Variants in DPP10 observed in about 807,000 individuals in gnomAD.
The protein encoded by DPP10 is inactive dipeptidyl peptidase 10.
A neutral mutation model predicts 120.9 loss-of-function variants in DPP10; 33 were observed. The observed-to-expected ratio is 0.27, with a 90% CI of 0.21 to 0.37. The LOEUF (loss-of-function observed/expected upper bound fraction) is 0.37. Ranked by LOEUF, DPP10 falls within the 10% of genes least tolerant of loss-of-function variation. The probability of loss-of-function intolerance (pLI) is 1.00; values close to 1 mark genes in which losing one functional copy is unlikely to be tolerated. For synonymous variants in DPP10, 337 were observed against 326.1 expected, an observed-to-expected ratio of 1.03 and a Z score of -0.36; for missense variants, 816 against 942.8, an observed-to-expected ratio of 0.87 and a Z score of 1.76.
chr2:114,690,237 T>A (rs1699645992), intron 1 of DPP10, among the ~76,000 whole-genome samples: 1 of 152,128 alleles, frequency 6.6e-6, no homozygotes. Flanking sequence ...AAGTCTTTTG[T>A]ATGTCTTGAG....
chr2:115,384,625 AGAG>A (rs1559522094), intron 3 of DPP10, among the ~76,000 whole-genome samples: 2 of 149,366 alleles, frequency 1.3e-5, no homozygotes, highest in African/African-American at 2.5e-5. Context: ...AGGAAGAAGA[AGAG>A]GAAGAAGAAA....
chr2:115,388,865 T>C (rs2067134688), intron 3 of DPP10, among the ~76,000 whole-genome samples: 1 of 152,108 alleles, frequency 6.6e-6, no homozygotes. Flanking sequence ...ATTGCAACAA[T>C]AGTCCAAAAA....
intron 1 of DPP10, among the ~76,000 whole-genome samples, chr2:115,243,189 C>T (rs2058369876): frequency 6.6e-6 from 1 of 152,210 alleles, no homozygotes; most frequent in South Asian, 2.1e-4. Context: ...TTCCTTGACA[C>T]CAGCTGCCTG....
chr2:114,998,761 C>T (rs1423039135), intron 1 of DPP10, among the ~76,000 whole-genome samples: 2 of 152,164 alleles, frequency 1.3e-5, no homozygotes, highest in Non-Finnish European at 2.9e-5. Context: ...AGGAGCAGAA[C>T]AGAAAACGCA....
chr2:115,684,997 G>A (rs1175095280), intron 5 of DPP10, among the ~76,000 whole-genome samples: 1 of 151,926 alleles, frequency 6.6e-6, no homozygotes, highest in Non-Finnish European at 1.5e-5. Context: ...GAAAGGTAGT[G>A]TGCAGAAAGA....
intron 1 of DPP10, among the ~76,000 whole-genome samples, chr2:114,755,752 C>A (rs113838358): frequency 5.3e-5 from 8 of 152,150 alleles, no homozygotes; most frequent in African/African-American, 1.9e-4. Flanking sequence ...AAGAATTTAG[C>A]CTGTGAGAGG....
At chr2:115,703,923 C>G (rs2091993287) in intron 7 of DPP10, among the ~76,000 whole-genome samples, 1 of 151,940 alleles carries the variant, frequency 6.6e-6, no homozygotes, top group South Asian at 2.1e-4. Context: ...CATCTTTCAC[C>G]TAGATATTTT....
chr2:115,002,684 C>A (rs191639375), intron 1 of DPP10, among the ~76,000 whole-genome samples: 2 of 152,010 alleles, frequency 1.3e-5, no homozygotes, highest in Admixed American at 6.6e-5. Context: ...AATAACCCCA[C>A]TAATAAGTGA....
At chr2:115,490,049 G>A (rs1378858824) in intron 3 of DPP10, among the ~76,000 whole-genome samples, 2 of 152,110 alleles carry the variant, frequency 1.3e-5, no homozygotes, top group African/African-American at 2.4e-5. Context: ...TGACCCCACT[G>A]ATGACATGTA....
At chr2:114,696,685 T>A (rs1700085303) in intron 1 of DPP10, among the ~76,000 whole-genome samples, 1 of 151,724 alleles carries the variant, frequency 6.6e-6, no homozygotes, top group African/African-American at 2.4e-5. Context: ...CAAATAACAG[T>A]TACTAAAGAA....
At chr2:114,569,228 G>C (rs1413221854) in intron 1 of DPP10, among the ~76,000 whole-genome samples, 1 of 151,664 alleles carries the variant, frequency 6.6e-6, no homozygotes, top group East Asian at 1.9e-4. Context: ...CACCTCTTGT[G>C]CTTGTTATCC....
At chr2:114,773,653 C>T (rs1036918427) in intron 1 of DPP10, among the ~76,000 whole-genome samples, 1 of 152,152 alleles carries the variant, frequency 6.6e-6, no homozygotes, top group African/African-American at 2.4e-5. Context: ...AAGCATTTTC[C>T]ATTTTTAACA....
At chr2:115,061,298 C>A (rs1210300890) in intron 1 of DPP10, among the ~76,000 whole-genome samples, 1 of 152,076 alleles carries the variant, frequency 6.6e-6, no homozygotes, top group African/African-American at 2.4e-5. Flanking sequence ...ATTAAAAATT[C>A]ATAGATAGAG....
intron 5 of DPP10, among the ~76,000 whole-genome samples, chr2:115,677,218 A>G (rs1400013370): frequency 6.6e-6 from 1 of 152,222 alleles, no homozygotes; most frequent in Non-Finnish European, 1.5e-5. Flanking sequence ...GCACATGGGC[A>G]ATCTCTACCA....
chr2:114,788,966 A>T (rs946817617), intron 1 of DPP10, among the ~76,000 whole-genome samples: 1 of 152,118 alleles, frequency 6.6e-6, no homozygotes, highest in African/African-American at 2.4e-5. Flanking sequence ...AGTAGGTTCC[A>T]TGGGATGATG....
intron 5 of DPP10, among the ~76,000 whole-genome samples, chr2:115,595,202 A>G (rs1262734520): frequency 6.6e-6 from 1 of 152,134 alleles, no homozygotes; most frequent in Non-Finnish European, 1.5e-5. Context: ...TTAAACAATA[A>G]GGCATAATAA....
chr2:115,782,926 T>C (rs1411257533), intron 17 of DPP10, among the ~76,000 whole-genome samples: 1 of 152,118 alleles, frequency 6.6e-6, no homozygotes. Flanking sequence ...TGTCAAACAA[T>C]GTGACAGAGT....
chr2:115,148,527 G>C (rs1214087786), intron 1 of DPP10, among the ~76,000 whole-genome samples: 3 of 152,110 alleles, frequency 2.0e-5, no homozygotes, highest in African/African-American at 7.2e-5. Context: ...TACATACACT[G>C]GAGAGAGAGC....
At chr2:115,192,889 TTTAA>T (rs1329357280) in intron 1 of DPP10, among the ~76,000 whole-genome samples, 48 of 151,620 alleles carry the variant, frequency 3.2e-4, no homozygotes, top group African/African-American at 9.6e-4. Flanking sequence ...TTTAATTTAT[TTTAA>T]TTAATTAAAT....
Sources: gnomAD v4.1 joint callset for allele counts (sites outside exome capture counted in the v4.1 genomes callset) on GRCh38, gnomAD v4.1.1 for gene constraint, MANE v1.5 for transcripts, NCBI Gene and HGNC (gene_info 2026-07-23, HGNC 2026-07-21) for gene names.